The following ADAMTS2 variants were observed in gnomAD, a reference collection of about 807,000 sequenced individuals.
The protein encoded by ADAMTS2 is A disintegrin and metalloproteinase with thrombospondin motifs 2.
Under a neutral mutation model 123.0 loss-of-function variants are expected in ADAMTS2, and 50 were observed. That is an observed-to-expected ratio of 0.41 (90% CI 0.32 to 0.51). The LOEUF (loss-of-function observed/expected upper bound fraction) is 0.51. Ranked by LOEUF, ADAMTS2 falls within the 20% of genes least tolerant of loss-of-function variation. ADAMTS2 has a pLI of 0.35. For missense variants in ADAMTS2, 1,494 were observed against 1,705.2 expected, an observed-to-expected ratio of 0.88 and a Z score of 2.18; for synonymous variants, 678 against 695.4, an observed-to-expected ratio of 0.98 and a Z score of 0.39.
chr5:179,329,143 C>T lies in ADAMTS2; in HGVS notation c.534+14624G>A, dbSNP rs189042533. ...GAGATGGAGACCATCCTGGCTAACA[C>T]GGTGAAACCCCGTCTCTACTAAAAA... is the stretch of plus-strand genomic sequence containing the variant. On this transcript the variant is annotated intron_variant, in intron 2 of 21. Coordinates refer to ENST00000251582, the MANE Select transcript of ADAMTS2 (RefSeq NM_014244.5). 6.0e-3 allele frequency among the ~76,000 whole-genome samples: 903 copies of T among 151,712 alleles called. 6 individuals carry two copies. The highest frequency in any genetic ancestry group is 0.019 in the East Asian group (97 of 5,168).
intron 2 of ADAMTS2, among the ~76,000 whole-genome samples, chr5:179,289,514 G>C (rs945916997): frequency 6.6e-6 from 1 of 152,166 alleles, no homozygotes; most frequent in Admixed American, 6.5e-5. Flanking sequence ...CAATTAGTGA[G>C]CAAAAGGATA....
chr5:179,117,905 T>C lies in ADAMTS2; in HGVS notation c.3179-3581A>G, dbSNP rs1444077069. On this transcript the variant is annotated intron_variant, in intron 21 of 21. Transcript: ENST00000251582. This position sits in a 1 kb window ranked among gnomAD's most constrained non-coding sequence, Gnocchi z 4.2. Reference sequence around the variant, plus strand: ...GCTGAGTCCTGTGACAGAGACCATGTGGGCTCCAATGCCCAAAATATTGAC... The same window carrying C: ...GCTGAGTCCTGTGACAGAGACCATGCGGGCTCCAATGCCCAAAATATTGAC... 6.6e-6 allele frequency among the ~76,000 whole-genome samples: 1 copy of C among 152,176 alleles called. No homozygotes were observed. Among genetic ancestry groups the C allele is most frequent in the African/African-American group, 2.4e-5 (1 of 41,456 alleles).
In ADAMTS2 at chr5:179,285,575, G is replaced by GGTCGGACACAGAGGTCAGTGA. The variant is rs1561687376; in HGVS notation, c.535-12512_535-12511insTCACTGACCTCTGTGTCCGAC. ...CCCAGCCAGGACACAGAGGTCAGTG[G>GGTCGGACACAGAGGTCAGTGA]GTCAGACCCAGACTCTGGGACTGCA... is the stretch of plus-strand genomic sequence containing the variant. On this transcript the variant is annotated intron_variant, in intron 2 of 21. Transcript: ENST00000251582. This position sits in a 1 kb window ranked among gnomAD's most constrained non-coding sequence, Gnocchi z 4.9. 1.3e-5 allele frequency among the ~76,000 whole-genome samples: 2 copies of GGTCGGACACAGAGGTCAGTGA among 152,198 alleles called. No homozygotes were observed. The highest frequency in any genetic ancestry group is 6.5e-5 in the Admixed American group (1 of 15,278).
intron 3 of ADAMTS2, among the ~76,000 whole-genome samples, chr5:179,265,110 G>T (rs925384605): frequency 4.6e-5 from 7 of 152,166 alleles, no homozygotes; most frequent in African/African-American, 1.7e-4. Flanking sequence ...AAGCATCTGT[G>T]GGAGCAGCCC....
At chr5:179,239,118 T>C (rs752858874) in intron 3 of ADAMTS2, among the ~76,000 whole-genome samples, 2 of 152,058 alleles carry the variant, frequency 1.3e-5, no homozygotes, top group Admixed American at 6.5e-5. Flanking sequence ...ATAAAGCTGT[T>C]AGAGAAAAGA....
In ADAMTS2 at chr5:179,139,055, A is replaced by G. The variant is rs370142461; in HGVS notation, c.1775+835T>C. 2.6e-5 allele frequency among the ~76,000 whole-genome samples: 4 copies of G among 152,248 alleles called. No homozygotes were observed. The South Asian group carries it at 8.3e-4, about 31-fold the overall frequency. ...AATCAAAATCTTTAAAATACCAGAC[A>G]GGCCAAAAAGGAAAGACCGAAGCTC... On this transcript the variant is annotated intron_variant, in intron 11 of 21. Transcript: ENST00000251582.
At chr5:179,266,957 C>T (rs187570387) in intron 3 of ADAMTS2, among the ~76,000 whole-genome samples, 2 of 152,312 alleles carry the variant, frequency 1.3e-5, no homozygotes, top group East Asian at 1.9e-4. Context: ...GCAACCAGTA[C>T]GAGCTTGCTG....
chr5:179,133,726 C>CT (rs58209465), intron 13 of ADAMTS2, among the ~76,000 whole-genome samples: 1,563 of 144,526 alleles, frequency 0.011, 26 homozygotes, highest in African/African-American at 0.033. Flanking sequence ...TTAACCTATT[C>CT]TTTTTTTTTT....
At chr5:179,187,273 A>T (rs534607523) in intron 4 of ADAMTS2, among the ~76,000 whole-genome samples, 1 of 152,208 alleles carries the variant, frequency 6.6e-6, no homozygotes, top group Non-Finnish European at 1.5e-5. Flanking sequence ...ATGAGACCGC[A>T]GTTCCTGGCG....
chr5:179,319,118 C>A (rs982517711), intron 2 of ADAMTS2, among the ~76,000 whole-genome samples: 2 of 152,128 alleles, frequency 1.3e-5, no homozygotes, highest in Admixed American at 6.5e-5. Context: ...CATGCACCCA[C>A]ATACAAATGT....
rs576118411 is a variant in ADAMTS2 at position 179,199,348 on chromosome 5, C to T, written c.891+8165G>A. Among the ~76,000 whole-genome samples, 299 of 152,258 alleles carry T rather than the reference C, an allele frequency of 2.0e-3. 1 individual carries two copies. Among genetic ancestry groups the T allele is most frequent in the African/African-American group, 6.6e-3 (274 of 41,542 alleles). On this transcript the variant is annotated intron_variant, in intron 4 of 21. Coordinates refer to ENST00000251582, the MANE Select transcript of ADAMTS2 (RefSeq NM_014244.5). ...ATTCCCCACGGCATCTCAGGGCAGG[C>T]GTGGTGGTGGCCATCCCGCCCACGG... is the stretch of plus-strand genomic sequence containing the variant.
rs199935107 is a variant in ADAMTS2 at position 179,171,032 on chromosome 5, G to A, written c.975+10040C>T. 6.6e-5 allele frequency among the ~76,000 whole-genome samples: 10 copies of A among 152,338 alleles called. No homozygotes were observed. The East Asian group carries it at 1.9e-3, about 29-fold the overall frequency. ...GAAACTAGAAACTTTTATAGCAATT[G>A]GACGGGTTGAGTTTATGTCCACAGA... On this transcript the variant is annotated intron_variant, in intron 5 of 21. Coordinates refer to ENST00000251582, the MANE Select transcript of ADAMTS2 (RefSeq NM_014244.5).
At chr5:179,300,898 G>T (rs1406086454) in intron 2 of ADAMTS2, among the ~76,000 whole-genome samples, 1 of 152,112 alleles carries the variant, frequency 6.6e-6, no homozygotes, top group African/African-American at 2.4e-5. Flanking sequence ...CTTCATCTAC[G>T]CGGAGCCAGA....
At position 179,137,930 on chromosome 5, in the gene ADAMTS2, C is replaced by T. The variant is rs1403511346; in HGVS notation, c.1790G>A (p.Gly597Asp). 1 of 1,547,616 alleles carries T rather than the reference C, an allele frequency of 6.5e-7. No individual in the cohort carries two copies. The highest frequency in any genetic ancestry group is 8.7e-7 in the Non-Finnish European group (1 of 1,147,798). Residue 597 changes from glycine to aspartate, a missense_variant, in exon 12 of 22, where the codon GGC becomes GAC. This residue lies in a region of ADAMTS2 where 953 missense variants were observed against 1,124.7 expected (regional missense o/e 0.85). Coordinates refer to ENST00000251582, the MANE Select transcript of ADAMTS2 (RefSeq NM_014244.5). ...QCDNPHPANGGRTCSGLAYDF... is the reference protein window; with the variant it reads ...QCDNPHPANGDRTCSGLAYDF... ...GTAGGCAAGGCCCGAGCAGGTGCGG[C>T]CCCCGTTGGCCGGGCTGGAGGAGAA...
Position 179,162,311 on chromosome 5 carries a change from C to G in ADAMTS2, c.976-3432G>C, listed in dbSNP as rs1409268327. ...CGCCTTCCTGGCCACCATGAAGGATCAGGGTGAACATACAACCAAAGCGGG... is the reference window on the plus strand; with the variant it reads ...CGCCTTCCTGGCCACCATGAAGGATGAGGGTGAACATACAACCAAAGCGGG... On this transcript the variant is annotated intron_variant, in intron 5 of 21. Transcript: ENST00000251582. This position sits in a 1 kb window ranked among gnomAD's most constrained non-coding sequence, Gnocchi z 5.1. 6.6e-6 allele frequency among the ~76,000 whole-genome samples: 1 copy of G among 152,124 alleles called. No individual in the cohort carries two copies. Among genetic ancestry groups the G allele is most frequent in the African/African-American group, 2.4e-5 (1 of 41,400 alleles).
chr5:179,259,403 G>T (rs552897005), intron 3 of ADAMTS2, among the ~76,000 whole-genome samples: 3 of 152,364 alleles, frequency 2.0e-5, no homozygotes, highest in African/African-American at 7.2e-5. Context: ...CCAGAGCCTG[G>T]CCCAGTGCCC....
At chr5:179,124,682 G>A (rs945099703) in intron 19 of ADAMTS2, among the ~76,000 whole-genome samples, 1 of 152,246 alleles carries the variant, frequency 6.6e-6, no homozygotes, top group Non-Finnish European at 1.5e-5. Context: ...CCCACGGGCC[G>A]AAAGGGGAAT....
chr5:179,309,706 G>A (rs867188601), intron 2 of ADAMTS2, among the ~76,000 whole-genome samples: 2 of 132,522 alleles, frequency 1.5e-5, no homozygotes, highest in East Asian at 2.5e-4. Flanking sequence ...GCAGTGAGCC[G>A]AGATCATGCC....
At chr5:179,136,365 A>G (rs1224350590) in intron 12 of ADAMTS2, among the ~76,000 whole-genome samples, 1 of 152,178 alleles carries the variant, frequency 6.6e-6, no homozygotes, top group African/African-American at 2.4e-5. Context: ...CTGGGTTGCT[A>G]TCTAAAGAAC....
Sources: allele counts gnomAD v4.1 joint callset (sites outside exome capture counted in the v4.1 genomes callset), GRCh38; gene constraint gnomAD v4.1.1; regional missense constraint gnomAD v4.1.1; non-coding constraint Gnocchi (gnomAD v3.1); transcripts MANE v1.5; gene names NCBI Gene and HGNC (gene_info 2026-07-23, HGNC 2026-07-21).